Variants in RALGAPA2 observed in about 807,000 individuals in gnomAD.
RALGAPA2 encodes ral GTPase-activating protein subunit alpha-2.
RALGAPA2 carries 139 observed loss-of-function variants against 230.4 expected under a neutral mutation model. That is an observed-to-expected ratio of 0.60 (90% CI 0.53 to 0.69). The LOEUF is 0.69. Among genes scored for constraint, RALGAPA2 ranks in the 30% least tolerant of loss-of-function variants. RALGAPA2 has a pLI of 0.00. For missense variants in RALGAPA2, 2,163 were observed against 2,276.0 expected, an observed-to-expected ratio of 0.95 and a Z score of 1.01; for synonymous variants, 847 against 837.8, an observed-to-expected ratio of 1.01 and a Z score of -0.19.
rs780395160 is a variant in RALGAPA2, at chr20:20,605,167, G to A, written c.2038+8C>T. Reference sequence around the variant, plus strand: ...ACATCTGGTGTTAACCTGGAAGAGTGGAAATACCTTTGCCTCGTTGCTTCT... The same window carrying A: ...ACATCTGGTGTTAACCTGGAAGAGTAGAAATACCTTTGCCTCGTTGCTTCT... On this transcript the variant is annotated splice_region_variant and intron_variant, in intron 15 of 39. Coordinates refer to ENST00000202677, the MANE Select transcript of RALGAPA2 (RefSeq NM_020343.4). The A allele has an allele frequency of 1.3e-6, 2 of 1,584,538 alleles. No homozygotes were observed. The highest frequency in any genetic ancestry group is 1.7e-5 in the Admixed American group (1 of 57,646).
chr20:20,532,155 T>A (rs568390446), intron 26 of RALGAPA2, among the ~76,000 whole-genome samples: 1 of 152,208 alleles, frequency 6.6e-6, no homozygotes. Flanking sequence ...CTGAGAAAAC[T>A]GTCAAAAATT....
intron 2 of RALGAPA2, among the ~76,000 whole-genome samples, chr20:20,679,391 A>G (rs903070694): frequency 4.6e-5 from 7 of 152,132 alleles, no homozygotes; most frequent in Non-Finnish European, 8.8e-5. Flanking sequence ...TCCCTGGATC[A>G]GGCATCACCA....
intron 14 of RALGAPA2, among the ~76,000 whole-genome samples, chr20:20,609,738 C>A (rs577369219): frequency 2.6e-5 from 4 of 152,182 alleles, no homozygotes; most frequent in Admixed American, 2.6e-4. Flanking sequence ...CGAAAGGGTG[C>A]CAACAGTGAG....
chr20:20,625,287 A>G (rs1446492000), intron 10 of RALGAPA2, among the ~76,000 whole-genome samples: 1 of 152,176 alleles, frequency 6.6e-6, no homozygotes, highest in Non-Finnish European at 1.5e-5. Context: ...CTATGTAGCT[A>G]GCCAGGCCCC....
intron 6 of RALGAPA2, 101 bp from the exon 7 acceptor site, chr20:20,640,001 C>A: frequency 1.2e-6 from 1 of 853,132 alleles, no homozygotes; most frequent in East Asian, 2.5e-5. Flanking sequence ...ATCTCTCCAT[C>A]CACTGAAGCA....
intron 23 of RALGAPA2, among the ~76,000 whole-genome samples, chr20:20,549,617 G>T (rs1039629952): frequency 6.6e-6 from 1 of 152,292 alleles, no homozygotes; most frequent in Non-Finnish European, 1.5e-5. Context: ...CCACACTGAA[G>T]TGGAACAACT....
At chr20:20,658,111 G>C (rs887085987) in intron 3 of RALGAPA2, among the ~76,000 whole-genome samples, 1 of 152,152 alleles carries the variant, frequency 6.6e-6, no homozygotes, top group Non-Finnish European at 1.5e-5. Context: ...TTCTGGGTAA[G>C]TTTTCAGATT....
At chr20:20,431,099 G>A (rs983558446) in intron 37 of RALGAPA2, among the ~76,000 whole-genome samples, 1 of 151,716 alleles carries the variant, frequency 6.6e-6, no homozygotes, top group Non-Finnish European at 1.5e-5. Context: ...CCCCTGAAGC[G>A]TAGCTCTGAG....
At chr20:20,459,416 G>T (rs1602431267) in intron 37 of RALGAPA2, among the ~76,000 whole-genome samples, 1 of 147,820 alleles carries the variant, frequency 6.8e-6, no homozygotes, top group South Asian at 2.1e-4. Flanking sequence ...TGCTTAAGAG[G>T]TTTTTTTGCT....
chr20:20,702,783 G>A (rs1237655681), intron 1 of RALGAPA2, among the ~76,000 whole-genome samples: 1 of 152,194 alleles, frequency 6.6e-6, no homozygotes, highest in Non-Finnish European at 1.5e-5. Context: ...CAATGAATAT[G>A]TGTCATCACC....
intron 27 of RALGAPA2, among the ~76,000 whole-genome samples, chr20:20,531,482 G>A (rs1014864341): frequency 6.6e-6 from 1 of 152,240 alleles, no homozygotes; most frequent in African/African-American, 2.4e-5. Flanking sequence ...GGTCCAGGAA[G>A]ACTCGAGACA....
chr20:20,690,114 C>T (rs2068851028), intron 1 of RALGAPA2, among the ~76,000 whole-genome samples: 1 of 152,248 alleles, frequency 6.6e-6, no homozygotes, highest in Non-Finnish European at 1.5e-5. Flanking sequence ...ATCAAGATTT[C>T]GTATTTCAGA....
chr20:20,521,168 C>CTACT, intron 30 of RALGAPA2, 68 bp from the exon 31 acceptor site: 1 of 1,378,192 alleles, frequency 7.3e-7, no homozygotes, highest in Non-Finnish European at 9.9e-7. Context: ...ATCTGTCAAA[C>CTACT]TACTGCAGCA....
intron 16 of RALGAPA2, among the ~76,000 whole-genome samples, chr20:20,596,078 C>A (rs1347699228): frequency 1.3e-5 from 2 of 152,170 alleles, no homozygotes; most frequent in Non-Finnish European, 2.9e-5. Flanking sequence ...ACCTCCCCAA[C>A]TGTGTTTCTT....
intron 20 of RALGAPA2, among the ~76,000 whole-genome samples, chr20:20,580,249 A>G (rs1419384738): frequency 1.3e-5 from 2 of 152,158 alleles, no homozygotes; most frequent in Non-Finnish European, 2.9e-5. Context: ...TGTCTTCTCA[A>G]TGCTCTGGCA....
rs1233029553 is a variant in RALGAPA2, at chr20:20,573,060, CGCT to C, written c.2713_2715del (p.Ser905del). 3 of 1,603,318 alleles carry C rather than the reference CGCT, an allele frequency of 1.9e-6. No homozygotes were observed. The highest frequency in any genetic ancestry group is 1.3e-5 in the African/African-American group (1 of 74,704). ...ATACTACAGTCATCTGTGAGGCACT[CGCT>C]GCTATCTATGCAGAAAAACATGTCT... On this transcript the variant is annotated inframe_deletion, in exon 21 of 40. Transcript: ENST00000202677.
At chr20:20,428,708 C>G (rs926456646) in intron 37 of RALGAPA2, among the ~76,000 whole-genome samples, 1 of 84,922 alleles carries the variant, frequency 1.2e-5, no homozygotes, top group African/African-American at 5.0e-5. Flanking sequence ...CATTATTGTG[C>G]CTGCCACCCA....
intron 23 of RALGAPA2, among the ~76,000 whole-genome samples, chr20:20,560,919 T>C (rs574586716): frequency 3.9e-5 from 6 of 152,346 alleles, no homozygotes; most frequent in African/African-American, 1.4e-4. Flanking sequence ...AAGGCCTAAC[T>C]ATCTTTCCCT....
At chr20:20,455,252 G>A (rs370258433) in intron 37 of RALGAPA2, among the ~76,000 whole-genome samples, 12 of 152,278 alleles carry the variant, frequency 7.9e-5, no homozygotes, top group East Asian at 5.8e-4. Flanking sequence ...GCTGCCTGCA[G>A]AAGGGTCTCG....
Sources: gnomAD v4.1 joint callset for allele counts (sites outside exome capture counted in the v4.1 genomes callset) on GRCh38, gnomAD v4.1.1 for gene constraint, MANE v1.5 for transcripts, NCBI Gene and HGNC (gene_info 2026-07-23, HGNC 2026-07-21) for gene names.